P2RX6: variants seen among roughly 807,000 people sequenced by gnomAD.
P2RX6 encodes the protein P2X purinoceptor 6.
In P2RX6, 62 loss-of-function variants were observed where a neutral mutation model predicts 54.2. The observed-to-expected ratio is 1.14, with a 90% CI of 0.93 to 1.41. The LOEUF is 1.41. Among genes scored for constraint, P2RX6 ranks in the 40% most tolerant of loss-of-function variants. The probability of loss-of-function intolerance (pLI) is 0.00; values close to 1 mark genes in which losing one functional copy is unlikely to be tolerated. For synonymous variants in P2RX6, 211 were observed against 231.9 expected (o/e 0.91, Z 0.82); for missense variants, 541 against 566.3 (o/e 0.96, Z 0.45).
chr22:21,022,899 C>T (rs758402622), intron 4 of P2RX6, 43 bp from the exon 5 acceptor site: 4 of 1,577,268 alleles, frequency 2.5e-6, no homozygotes, highest in Admixed American at 1.7e-5. Context: ...CTCCCCAGGC[C>T]TGCAGAGATT....
At chr22:21,013,159 G>T, upstream of P2RX6, 5 of 164,618 alleles carry the variant, frequency 3.0e-5, no homozygotes, top group South Asian at 8.8e-4. Context: ...GGGTGTCCCC[G>T]ACCAGTTCTC....
intron 8 of P2RX6, among the ~76,000 whole-genome samples, chr22:21,025,101 G>A (rs918773591): frequency 6.6e-6 from 1 of 150,876 alleles, no homozygotes; most frequent in African/African-American, 2.4e-5. Flanking sequence ...GGCTGGTCTC[G>A]AACTCCTGAC....
chr22:21,026,769 G>T lies in P2RX6; in HGVS notation c.*152G>T, dbSNP rs1928537752. On this transcript the variant is annotated 3_prime_UTR_variant, in exon 12 of 12. Coordinates refer to ENST00000413302, the MANE Select transcript of P2RX6 (RefSeq NM_005446.5). The surrounding 1 kb of genome is among the most constrained non-coding windows in gnomAD (Gnocchi z 4.0). ...CTCCCCTGACTCCCACCTTGGTAGGGTGCTGCCTCAGGGAGCCATAGAAGT... is the reference window on the plus strand; with the variant it reads ...CTCCCCTGACTCCCACCTTGGTAGGTTGCTGCCTCAGGGAGCCATAGAAGT... 2.8e-6 allele frequency: 4 copies of T among 1,415,244 alleles called. No homozygotes were observed. Among genetic ancestry groups the T allele is most frequent in the Admixed American group, 2.8e-5 (1 of 36,046 alleles). The allele number at this position is 1,415,244 out of a possible 1,614,324, so 87.7% of individuals were successfully genotyped here.
In P2RX6 at chr22:21,023,121, GC is replaced by G. The variant is rs1333780241; in HGVS notation, c.565del (p.Leu189CysfsTer76). On this transcript the variant is annotated frameshift_variant, in exon 6 of 12. Coordinates refer to ENST00000413302, the MANE Select transcript of P2RX6 (RefSeq NM_005446.5). LOFTEE classifies it high-confidence loss of function. ...PVESGVVPSR[P>X]LLAQAQNFTL... ...GTCACCTCCCTTCCACCTGCAGGAG[GC>G]CCCTGCTGGCCCAGGCCCAGAACTT... is the stretch of plus-strand genomic sequence containing the variant. 6.2e-7 allele frequency: 1 copy of G among 1,613,624 alleles called. No homozygotes were observed. The highest frequency in any genetic ancestry group is 1.3e-5 in the African/African-American group (1 of 74,888).
intron 9 of P2RX6, 25 bp from the exon 10 acceptor site, chr22:21,025,986 G>C: frequency 6.2e-7 from 1 of 1,603,754 alleles, no homozygotes; most frequent in Admixed American, 1.7e-5. Flanking sequence ...CGTGGGCTGA[G>C]AGGTTCAGCT....
chr22:21,019,694 A>C (rs942937216), intron 3 of P2RX6, among the ~76,000 whole-genome samples: 21 of 152,368 alleles, frequency 1.4e-4, no homozygotes, highest in Non-Finnish European at 3.1e-4. Flanking sequence ...GTGGGAAATC[A>C]GGGGTATCAC....
chr22:21,011,397 C>G, upstream of P2RX6: 1 of 648,836 alleles, frequency 1.5e-6, no homozygotes, highest in Non-Finnish European at 2.9e-6. Context: ...CTTGGTCATT[C>G]AGCTGGTTGT....
Position 21,023,541 on chromosome 22 carries a change from T to G in P2RX6, c.813T>G (p.Asp271Glu). Residue 271 changes from aspartate (D) to glutamate (E), a missense_variant, in exon 8 of 12, where the codon GAT (aspartate) becomes GAG (glutamate). By Grantham distance (45) the Asp-to-Glu change is conservative. Coordinates refer to ENST00000413302, the MANE Select transcript of P2RX6 (RefSeq NM_005446.5). ...CTGTAGGCATCAGAGTTCACTGGGA[T>G]TGTGACCTGGACACCGGGGACTCTG... ...GGSVGIRVHW[D>E]CDLDTGDSGC... 6.2e-7 allele frequency: 1 copy of G among 1,613,792 alleles called. No homozygotes were observed. Among genetic ancestry groups the G allele is most frequent in the Non-Finnish European group, 8.5e-7 (1 of 1,179,822 alleles).
chr22:21,009,807 G>A (rs1925638641), upstream of P2RX6: 1 of 157,450 alleles, frequency 6.4e-6, no homozygotes, highest in Non-Finnish European at 1.4e-5. Context: ...CAGAAGCAAG[G>A]ACTCAGGGCA....
In P2RX6 at chr22:21,023,374, C is replaced by T. The variant is rs1432870194; in HGVS notation, c.738C>T (p.Leu246=). ...PYCPVFRIGD[L]VAKAGGTFED... ...GTCCCGTGTTCCGCATTGGGGACCT[C>T]GTGGCCAAGGCTGGAGGGACCTTCG... is the stretch of plus-strand genomic sequence containing the variant. Residue 246 remains leucine, a synonymous_variant, in exon 7 of 12, where the codon CTC becomes CTT. Coordinates refer to ENST00000413302, the MANE Select transcript of P2RX6 (RefSeq NM_005446.5). The T allele has an allele frequency of 1.9e-5, 31 of 1,613,838 alleles. No homozygotes were observed. Among genetic ancestry groups the T allele is most frequent in the Middle Eastern group, 1.6e-4 (1 of 6,084 alleles).
chr22:21,026,336 TG>T lies in P2RX6; in HGVS notation c.1128+8del. ...GAGGACAAAGTATGAGGAGGTGAGC[TG>T]AGGTCGCTCTGCTTGGACCCTGGGT... On this transcript the variant is annotated splice_region_variant and intron_variant, in intron 11 of 11. Transcript: ENST00000413302. This position sits in a 1 kb window ranked among gnomAD's most constrained non-coding sequence, Gnocchi z 4.0. The T allele has an allele frequency of 6.2e-7, 1 of 1,601,194 alleles. No homozygotes were observed. The highest frequency in any genetic ancestry group is 1.1e-5 in the South Asian group (1 of 88,348).
At chr22:21,017,911 C>T in intron 2 of P2RX6, 78 bp from the exon 3 acceptor site, 1 of 875,200 alleles carries the variant, frequency 1.1e-6, no homozygotes, top group Admixed American at 2.0e-5. Flanking sequence ...TCCCTTCCCT[C>T]ATAAACCAGG....
intron 3 of P2RX6, among the ~76,000 whole-genome samples, chr22:21,020,266 A>G (rs180693148): frequency 6.6e-6 from 1 of 152,298 alleles, no homozygotes; most frequent in African/African-American, 2.4e-5. Context: ...TTCCCATGAA[A>G]CGTCAGGGCT....
rs1482978261 is a variant in P2RX6, at chr22:21,023,214, C to A, written c.638+16C>A. On this transcript the variant is annotated intron_variant, in intron 6 of 11. Transcript: ENST00000413302. The stretch of plus-strand genomic sequence containing the variant: ...ACTTCTCTAAGTAAGCAGAGTGGGT[C>A]TCATCTGCCCCAAGACCCTCCTTGT... 6.2e-7 allele frequency: 1 copy of A among 1,613,856 alleles called. No homozygotes were observed. The highest frequency in any genetic ancestry group is 1.3e-5 in the African/African-American group (1 of 75,048).
At chr22:21,023,672 G>C in intron 8 of P2RX6, 54 bp downstream of exon 8, 3 of 1,316,024 alleles carry the variant, frequency 2.3e-6, no homozygotes, top group Non-Finnish European at 2.1e-6. Context: ...CCCTCTCACT[G>C]TGGCGGCCAG....
intron 2 of P2RX6, among the ~76,000 whole-genome samples, chr22:21,017,731 C>T (rs575636055): frequency 1.4e-4 from 22 of 152,128 alleles, no homozygotes; most frequent in Non-Finnish European, 3.1e-4. Context: ...CACACATACA[C>T]ATGCACACAC....
intron 8 of P2RX6, among the ~76,000 whole-genome samples, chr22:21,024,879 T>TG (rs1555942103): frequency 0.13 from 2,226 of 17,002 alleles, 53 homozygotes; most frequent in African/African-American, 0.37. Flanking sequence ...TTTTTTTGTG[T>TG]TTTTTTTTTT....
intron 1 of P2RX6, 78 bp from the exon 2 acceptor site, chr22:21,015,864 C>A: frequency 1.4e-6 from 2 of 1,435,076 alleles, no homozygotes; most frequent in Non-Finnish European, 9.4e-7. Flanking sequence ...GGGGGGAGAA[C>A]TGAGCATGTA....
intron 3 of P2RX6, among the ~76,000 whole-genome samples, chr22:21,019,798 C>G (rs970614892): frequency 6.6e-6 from 1 of 152,232 alleles, no homozygotes; most frequent in Non-Finnish European, 1.5e-5. Flanking sequence ...TATAGATTAA[C>G]TAAAAGTATT....
Sources: allele counts gnomAD v4.1 joint callset (sites outside exome capture counted in the v4.1 genomes callset), GRCh38; gene constraint gnomAD v4.1.1; non-coding constraint Gnocchi (gnomAD v3.1); transcripts MANE v1.5; gene names NCBI Gene and HGNC (gene_info 2026-07-23, HGNC 2026-07-21).